Variants in DRC11 observed in about 807,000 individuals in gnomAD.
DRC11 encodes dynein regulatory complex subunit 11, also known as IQ and AAA domain-containing protein 1.
At chr2:236,343,851 A>T in the DRC11 span, 3 of 775,216 alleles carry the variant, frequency 3.9e-6, no homozygotes, top group African/African-American at 1.8e-5. The surrounding 1 kb of genome is among the most constrained non-coding windows in gnomAD (Gnocchi z 6.6). Flanking sequence ...GGGGAAGAAA[A>T]GATTGAGCTT....
the DRC11 span, among the ~76,000 whole-genome samples, chr2:236,492,704 C>T: frequency 1.3e-5 from 2 of 152,192 alleles, no homozygotes; most frequent in South Asian, 4.1e-4. Context: ...ATCTGCCATC[C>T]TGCCAGAAGG....
chr2:236,343,822 G>C, the DRC11 span: 1 of 1,050,424 alleles, frequency 9.5e-7, no homozygotes, highest in Non-Finnish European at 1.3e-6. This position sits in a 1 kb window ranked among gnomAD's most constrained non-coding sequence, Gnocchi z 6.6. Flanking sequence ...TGAAATGACA[G>C]GGCAATCAAG....
chr2:236,416,717 A>ATATT, the DRC11 span, among the ~76,000 whole-genome samples: 5 of 64,200 alleles, frequency 7.8e-5, no homozygotes, highest in East Asian at 4.7e-4. Context: ...ACATATATAT[A>ATATT]TATTTATATA....
At chr2:236,401,601 G>C in the DRC11 span, among the ~76,000 whole-genome samples, 1 of 152,176 alleles carries the variant, frequency 6.6e-6, no homozygotes, top group African/African-American at 2.4e-5. This position sits in a 1 kb window ranked among gnomAD's most constrained non-coding sequence, Gnocchi z 4.6. Context: ...AGAAAGGAGC[G>C]AACACAGACA....
the DRC11 span, among the ~76,000 whole-genome samples, chr2:236,364,137 C>G: frequency 6.6e-6 from 1 of 152,162 alleles, no homozygotes; most frequent in Admixed American, 6.5e-5. Context: ...ACGCCTCCAT[C>G]CCAGCTGGCT....
the DRC11 span, chr2:236,412,655 A>G: frequency 1.3e-5 from 2 of 152,260 alleles, no homozygotes; most frequent in Admixed American, 6.5e-5. Flanking sequence ...TGTTTCTTCC[A>G]CACGCTGTCA....
the DRC11 span, among the ~76,000 whole-genome samples, chr2:236,413,419 T>A: frequency 2.0e-5 from 3 of 152,346 alleles, no homozygotes; most frequent in Middle Eastern, 3.4e-3. This position sits in a 1 kb window ranked among gnomAD's most constrained non-coding sequence, Gnocchi z 4.0. Context: ...GACATACATT[T>A]CCTTGATGGC....
chr2:236,344,071 G>A, the DRC11 span, among the ~76,000 whole-genome samples: 1 of 151,758 alleles, frequency 6.6e-6, no homozygotes, highest in Non-Finnish European at 1.5e-5. Context: ...GGGGGAAGTG[G>A]TGGAGGAGGG....
the DRC11 span, among the ~76,000 whole-genome samples, chr2:236,488,486 A>C: frequency 6.6e-6 from 1 of 152,224 alleles, no homozygotes; most frequent in Non-Finnish European, 1.5e-5. Flanking sequence ...ATTATACTAA[A>C]AATGTCAATA....
At chr2:236,461,915 A>C in the DRC11 span, among the ~76,000 whole-genome samples, 11 of 152,232 alleles carry the variant, frequency 7.2e-5, no homozygotes, top group South Asian at 2.3e-3. This position sits in a 1 kb window ranked among gnomAD's most constrained non-coding sequence, Gnocchi z 4.0. Context: ...GGGAACAGTC[A>C]GGGGGCTTTC....
At chr2:236,501,154 G>A in the DRC11 span, among the ~76,000 whole-genome samples, 11,487 of 152,186 alleles carry the variant, frequency 0.075, 941 homozygotes, top group African/African-American at 0.19. Flanking sequence ...GCGGGAGCAG[G>A]AGCAAGAGGA....
chr2:236,392,238 C>T, the DRC11 span: 4 of 1,556,214 alleles, frequency 2.6e-6, no homozygotes, highest in Non-Finnish European at 3.5e-6. This position sits in a 1 kb window ranked among gnomAD's most constrained non-coding sequence, Gnocchi z 5.1. Flanking sequence ...ATAAACGTAG[C>T]TGTACCTGTA....
chr2:236,472,463 C>T, the DRC11 span, among the ~76,000 whole-genome samples: 16 of 152,262 alleles, frequency 1.1e-4, no homozygotes, highest in South Asian at 3.3e-3. This position sits in a 1 kb window ranked among gnomAD's most constrained non-coding sequence, Gnocchi z 4.6. Flanking sequence ...AAGGCCAGGA[C>T]GTTTTATAGT....
At chr2:236,406,348 C>T in the DRC11 span, among the ~76,000 whole-genome samples, 1 of 152,312 alleles carries the variant, frequency 6.6e-6, no homozygotes, top group African/African-American at 2.4e-5. The surrounding 1 kb of genome is among the most constrained non-coding windows in gnomAD (Gnocchi z 4.7). Context: ...TGAAAATTTT[C>T]TATTGGTAAA....
the DRC11 span, among the ~76,000 whole-genome samples, chr2:236,356,917 T>C: frequency 6.9e-6 from 1 of 144,018 alleles, no homozygotes; most frequent in Non-Finnish European, 1.5e-5. Context: ...ATATATTATA[T>C]ATATTCATAT....
the DRC11 span, among the ~76,000 whole-genome samples, chr2:236,430,858 T>C: frequency 1.3e-5 from 2 of 152,096 alleles, no homozygotes; most frequent in African/African-American, 4.8e-5. This position sits in a 1 kb window ranked among gnomAD's most constrained non-coding sequence, Gnocchi z 6.0. Flanking sequence ...GGGTGGAAAA[T>C]GTAGTCGCTT....
At chr2:236,436,058 C>A in the DRC11 span, among the ~76,000 whole-genome samples, 14 of 152,134 alleles carry the variant, frequency 9.2e-5, no homozygotes, top group Admixed American at 8.5e-4. Context: ...CACATGCACA[C>A]CAACTCCAGT....
chr2:236,449,371 G>C, the DRC11 span, among the ~76,000 whole-genome samples: 2 of 152,218 alleles, frequency 1.3e-5, no homozygotes, highest in African/African-American at 2.4e-5. The surrounding 1 kb of genome is among the most constrained non-coding windows in gnomAD (Gnocchi z 5.1). Flanking sequence ...GCCAGGGCCA[G>C]CCAGACCTGC....
the DRC11 span, chr2:236,497,265 C>T: frequency 2.0e-5 from 32 of 1,613,780 alleles, no homozygotes; most frequent in Non-Finnish European, 2.5e-5. The surrounding 1 kb of genome is among the most constrained non-coding windows in gnomAD (Gnocchi z 5.1). Context: ...GGCCCATCAC[C>T]CCGTCCAGGA....
Sources: gnomAD v4.1 joint callset for allele counts (sites outside exome capture counted in the v4.1 genomes callset) on GRCh38, gnomAD v4.1.1 for gene constraint, Gnocchi (gnomAD v3.1) non-coding constraint, MANE v1.5 for transcripts, NCBI Gene and HGNC (gene_info 2026-07-23, HGNC 2026-07-21) for gene names.